Variants in MAST2 observed in about 807,000 individuals in gnomAD.
The protein encoded by MAST2 is microtubule associated serine/threonine kinase 2.
In MAST2, 70 loss-of-function variants were observed where a neutral mutation model predicts 147.4. That is an observed-to-expected ratio of 0.47 (90% CI 0.39 to 0.58). The LOEUF is 0.58. Among genes scored for constraint, MAST2 ranks in the 20% least tolerant of loss-of-function variants. The pLI is 0.00. For synonymous variants in MAST2, 869 were observed against 896.8 expected, an observed-to-expected ratio of 0.97 and a Z score of 0.55; for missense variants, 2,080 against 2,302.3, an observed-to-expected ratio of 0.90 and a Z score of 1.98.
intron 2 of MAST2, among the ~76,000 whole-genome samples, chr1:45,825,400 A>G (rs1014955988): frequency 6.6e-6 from 1 of 150,964 alleles, no homozygotes; most frequent in African/African-American, 2.4e-5. Context: ...GTTTTTCATA[A>G]CATTCTCCTC....
chr1:45,978,820 GC>G (rs1240676908), intron 5 of MAST2, among the ~76,000 whole-genome samples: 1 of 152,182 alleles, frequency 6.6e-6, no homozygotes, highest in African/African-American at 2.4e-5. Flanking sequence ...GTAGCCAGGG[GC>G]TCGTGTAGAT....
intron 15 of MAST2, among the ~76,000 whole-genome samples, chr1:46,024,684 A>G (rs960579648): frequency 3.3e-5 from 5 of 152,352 alleles, no homozygotes; most frequent in Non-Finnish European, 5.9e-5. Context: ...TACAGTATGC[A>G]GTATTCCTGT....
Position 46,033,529 on chromosome 1 carries a change from AG to A in MAST2, c.3538-271del, listed in dbSNP as rs533379945. On this transcript the variant is annotated intron_variant, in intron 26 of 28. Coordinates refer to ENST00000361297, the MANE Select transcript of MAST2 (RefSeq NM_015112.3). The stretch of plus-strand genomic sequence containing the variant: ...CACAAGGCAGTACCCTCCCTGACTA[AG>A]GCCCAGGGATCCTTCTGAGCTGTGG... 1.5e-4 allele frequency among the ~76,000 whole-genome samples: 23 copies of A among 152,150 alleles called. No homozygotes were observed. The South Asian group carries it at 4.1e-3, about 27-fold the overall frequency.
chr1:46,017,062 T>C (rs565275389), intron 10 of MAST2, among the ~76,000 whole-genome samples: 2 of 151,958 alleles, frequency 1.3e-5, no homozygotes, highest in South Asian at 2.1e-4. Context: ...CTGAGAAAAA[T>C]AAGCAATGGG....
chr1:45,926,326 A>G (rs1427030238), intron 4 of MAST2, among the ~76,000 whole-genome samples: 12 of 151,944 alleles, frequency 7.9e-5, no homozygotes, highest in Non-Finnish European at 1.5e-4. Context: ...TTGTTGGGAG[A>G]CTCAGATGTT....
At chr1:45,973,969 C>G (rs1644031172) in intron 5 of MAST2, among the ~76,000 whole-genome samples, 1 of 152,122 alleles carries the variant, frequency 6.6e-6, no homozygotes, top group South Asian at 2.1e-4. Context: ...AATAATTTGT[C>G]AAGGAGTTTT....
At chr1:45,946,891 C>T (rs1472022497) in intron 4 of MAST2, among the ~76,000 whole-genome samples, 1 of 152,154 alleles carries the variant, frequency 6.6e-6, no homozygotes, top group Non-Finnish European at 1.5e-5. Context: ...TTTGTGCCTA[C>T]GTCAGAGTTT....
At chr1:46,033,735 G>A in intron 26 of MAST2, 67 bp from the exon 27 acceptor site, 1 of 1,585,904 alleles carries the variant, frequency 6.3e-7, no homozygotes, top group South Asian at 1.1e-5. Flanking sequence ...AGAAGGGAAG[G>A]ATTGGGGGAG....
rs773424555 is a variant in MAST2 at position 46,025,761 on chromosome 1, C to T, written c.1865C>T (p.Ala622Val). The T allele has an allele frequency of 6.2e-7, 1 of 1,614,072 alleles. No individual in the cohort carries two copies. The highest frequency in any genetic ancestry group is 1.3e-5 in the African/African-American group (1 of 74,920). The change falls in exon 16 of 29, where the codon GCC (alanine) becomes GTC (valine). Residue 622 changes from alanine to valine, a missense_variant. By Grantham distance (64) the Ala-to-Val change is moderately conservative. This residue lies in a region of MAST2 where 209 missense variants were observed against 309.5 expected (regional missense o/e 0.68). Coordinates refer to ENST00000361297, the MANE Select transcript of MAST2 (RefSeq NM_015112.3). The part of the protein sequence containing the change: ...VRLYFAETVL[A>V]LEYLHNYGIV... The stretch of plus-strand genomic sequence containing the variant: ...CTATACTTTGCGGAAACTGTGCTGG[C>T]CCTGGAGTACTTACACAACTATGGC...
chr1:46,013,013 C>G (rs943415816), intron 10 of MAST2, among the ~76,000 whole-genome samples: 1 of 151,894 alleles, frequency 6.6e-6, no homozygotes, highest in Admixed American at 6.6e-5. Flanking sequence ...TTGTGAGGAG[C>G]TTAGATTGTA....
chr1:45,929,962 T>C (rs1655008591), intron 4 of MAST2, among the ~76,000 whole-genome samples: 1 of 152,192 alleles, frequency 6.6e-6, no homozygotes, highest in Non-Finnish European at 1.5e-5. Flanking sequence ...TAAGATAATG[T>C]CTATTTGCAC....
chr1:45,888,340 C>G (rs182776873), intron 4 of MAST2, among the ~76,000 whole-genome samples: 1 of 152,204 alleles, frequency 6.6e-6, no homozygotes, highest in Non-Finnish European at 1.5e-5. Flanking sequence ...TCAAATATCT[C>G]TTGGTGTTCT....
chr1:46,032,201 G>T lies in MAST2; in HGVS notation c.3211G>T (p.Ala1071Ser), dbSNP rs771731264. Reference sequence around the variant, plus strand: ...AGAACACCACACCTGCTCCCCGTTGGCCAGCCCCATGTCCCCACATTCTCA... The same window carrying T: ...AGAACACCACACCTGCTCCCCGTTGTCCAGCCCCATGTCCCCACATTCTCA... ...PSEHHTCSPLASPMSPHSQSS... is the reference protein window; with the variant it reads ...PSEHHTCSPLSSPMSPHSQSS... The change falls in exon 25 of 29, where the codon GCC becomes TCC. Residue 1071 changes from alanine (A) to serine (S), a missense_variant. Around this residue, in one of 4 missense-constraint regions of MAST2, gnomAD observed 1,278 missense variants for 1,304.2 expected, o/e 0.98. Transcript: ENST00000361297. 1 of 1,614,088 alleles carries T rather than the reference G, an allele frequency of 6.2e-7. No homozygotes were observed. The highest frequency in any genetic ancestry group is 1.1e-5 in the South Asian group (1 of 91,086).
intron 4 of MAST2, among the ~76,000 whole-genome samples, chr1:45,954,159 G>A (rs1188744160): frequency 6.6e-6 from 1 of 152,152 alleles, no homozygotes; most frequent in African/African-American, 2.4e-5. Context: ...AGACCTCTGA[G>A]ATTTGGAGAC....
intron 4 of MAST2, among the ~76,000 whole-genome samples, chr1:45,942,781 C>T (rs1657491482): frequency 6.6e-6 from 1 of 152,214 alleles, no homozygotes; most frequent in African/African-American, 2.4e-5. Context: ...GATTAAGAAT[C>T]TTCCTGGTAC....
chr1:45,862,574 A>G (rs1288857169), intron 3 of MAST2, among the ~76,000 whole-genome samples: 1 of 147,074 alleles, frequency 6.8e-6, no homozygotes, highest in African/African-American at 2.5e-5. Flanking sequence ...GGTTTGAATG[A>G]TTTTTCTGCC....
intron 5 of MAST2, among the ~76,000 whole-genome samples, chr1:45,991,571 C>T (rs1357107872): frequency 6.6e-6 from 1 of 152,104 alleles, no homozygotes; most frequent in African/African-American, 2.4e-5. Flanking sequence ...TCGTAATTTA[C>T]AGTGTATAGA....
chr1:46,010,766 A>AT lies in MAST2; in HGVS notation c.1018dup (p.Ser340PhefsTer25). 6.2e-7 allele frequency: 1 copy of AT among 1,613,928 alleles called. No individual in the cohort carries two copies. Among genetic ancestry groups the AT allele is most frequent in the African/African-American group, 1.3e-5 (1 of 75,018 alleles). On this transcript the variant is annotated frameshift_variant, in exon 10 of 29. Transcript: ENST00000361297. LOFTEE classifies it high-confidence loss of function. ...AATGGAAGAGCGACTAGCAGAGTTT[A>AT]TTTCCTCCAACACTCCAGACAGCGT...
At chr1:45,851,287 A>G (rs1187003764) in intron 3 of MAST2, among the ~76,000 whole-genome samples, 1 of 152,094 alleles carries the variant, frequency 6.6e-6, no homozygotes. Context: ...TGTTACTGGT[A>G]TATAGAATTG....
Sources: gnomAD v4.1 joint callset for allele counts (sites outside exome capture counted in the v4.1 genomes callset) on GRCh38, gnomAD v4.1.1 for gene constraint, gnomAD v4.1.1 regional missense constraint, MANE v1.5 for transcripts, NCBI Gene and HGNC (gene_info 2026-07-23, HGNC 2026-07-21) for gene names.